The following UNC13C variants were observed in gnomAD, a reference collection of about 807,000 sequenced individuals.
The protein encoded by UNC13C is unc-13 homolog C.
A neutral mutation model predicts 245.4 loss-of-function variants in UNC13C; 174 were observed. That is an observed-to-expected ratio of 0.71 (90% CI 0.63 to 0.80). The LOEUF (loss-of-function observed/expected upper bound fraction) is 0.80, where lower values mean the gene tolerates loss of function less well. Among genes scored for constraint, UNC13C ranks in the 30% least tolerant of loss-of-function variants. The pLI is 0.00. For synonymous variants in UNC13C, 992 were observed against 895.1 expected (o/e 1.11, Z -1.93); for missense variants, 2,829 against 2,602.9 (o/e 1.09, Z -1.89).
the UNC13C span, among the ~76,000 whole-genome samples, chr15:53,843,448 T>A: frequency 1.5e-3 from 231 of 152,074 alleles, no homozygotes; most frequent in Non-Finnish European, 2.4e-3. Context: ...GGCAGCAGAG[T>A]GAAATCTTAT....
At chr15:53,870,457 T>C in the UNC13C span, among the ~76,000 whole-genome samples, 1 of 137,156 alleles carries the variant, frequency 7.3e-6, no homozygotes, top group African/African-American at 2.6e-5. Context: ...GGAGTGGAGA[T>C]ATCCTGGACC....
intron 2 of UNC13C, among the ~76,000 whole-genome samples, chr15:54,076,416 T>C (rs1898628973): frequency 6.6e-6 from 1 of 152,058 alleles, no homozygotes; most frequent in South Asian, 2.1e-4. Flanking sequence ...GTTTCATCCA[T>C]GTCCCTACAA....
intron 20 of UNC13C, 67 bp from the exon 21 acceptor site, chr15:54,500,012 C>A: frequency 8.6e-7 from 1 of 1,166,678 alleles, no homozygotes; most frequent in Non-Finnish European, 1.2e-6. Context: ...GCAAAAAGAG[C>A]AGCATTCCTG....
chr15:54,556,401 C>T (rs1897090733), intron 29 of UNC13C, among the ~76,000 whole-genome samples: 1 of 152,042 alleles, frequency 6.6e-6, no homozygotes, highest in African/African-American at 2.4e-5. Context: ...TTTCACAAAA[C>T]TGTCACCTCG....
At chr15:54,452,033 C>A (rs755398073) in intron 19 of UNC13C, among the ~76,000 whole-genome samples, 1 of 152,200 alleles carries the variant, frequency 6.6e-6, no homozygotes, top group Non-Finnish European at 1.5e-5. Context: ...CCATACACAG[C>A]CAAATCAGTG....
chr15:54,515,693 T>C (rs1013556899), intron 24 of UNC13C, among the ~76,000 whole-genome samples: 2 of 152,198 alleles, frequency 1.3e-5, no homozygotes, highest in African/African-American at 4.8e-5. Context: ...TCCATAGTTA[T>C]CCATAAGCCC....
At chr15:54,243,743 T>G (rs969502743) in intron 7 of UNC13C, among the ~76,000 whole-genome samples, 6 of 152,230 alleles carry the variant, frequency 3.9e-5, no homozygotes, top group African/African-American at 1.4e-4. Context: ...TTGAGCTTCT[T>G]TTCATGTTTT....
the UNC13C span, among the ~76,000 whole-genome samples, chr15:53,840,945 A>G: frequency 6.6e-6 from 1 of 152,146 alleles, no homozygotes; most frequent in African/African-American, 2.4e-5. Flanking sequence ...ATTCCAGTGT[A>G]GTAACTGCAA....
intron 13 of UNC13C, among the ~76,000 whole-genome samples, chr15:54,308,714 C>T (rs2037788154): frequency 6.6e-6 from 1 of 151,596 alleles, no homozygotes; most frequent in Admixed American, 6.6e-5. Flanking sequence ...TCAGTAAGTT[C>T]CTCTTTTTTT....
At chr15:54,457,140 T>G in intron 19 of UNC13C, among the ~76,000 whole-genome samples, 1 of 152,160 alleles carries the variant, frequency 6.6e-6, no homozygotes, top group Non-Finnish European at 1.5e-5. Context: ...GATGATCATA[T>G]GATTATTGTT....
chr15:53,881,845 A>T, the UNC13C span, among the ~76,000 whole-genome samples: 9 of 152,214 alleles, frequency 5.9e-5, no homozygotes, highest in Non-Finnish European at 1.5e-5. Flanking sequence ...TACAAATATT[A>T]TCAAACAGGG....
intron 29 of UNC13C, among the ~76,000 whole-genome samples, chr15:54,564,384 T>C (rs184142003): frequency 1.3e-5 from 2 of 152,156 alleles, no homozygotes; most frequent in Non-Finnish European, 2.9e-5. Flanking sequence ...GTTTTCCTCA[T>C]GTACAAGCAC....
intron 1 of UNC13C, among the ~76,000 whole-genome samples, chr15:53,996,627 A>C (rs1014770956): frequency 6.6e-6 from 1 of 152,174 alleles, no homozygotes; most frequent in African/African-American, 2.4e-5. Flanking sequence ...CCTTCAAGTC[A>C]ATCTCCACTC....
chr15:54,251,382 G>A (rs1408360441), intron 8 of UNC13C, among the ~76,000 whole-genome samples: 1 of 152,152 alleles, frequency 6.6e-6, no homozygotes, highest in Non-Finnish European at 1.5e-5. Flanking sequence ...TTACCTTAGA[G>A]GGTTATTGGA....
At chr15:53,942,886 C>T in the UNC13C span, among the ~76,000 whole-genome samples, 1 of 152,186 alleles carries the variant, frequency 6.6e-6, no homozygotes, top group Admixed American at 6.5e-5. Flanking sequence ...TGGCCTCAAG[C>T]TCCTGGCCTC....
At chr15:54,207,768 A>G (rs2034760822) in intron 4 of UNC13C, among the ~76,000 whole-genome samples, 1 of 152,154 alleles carries the variant, frequency 6.6e-6, no homozygotes, top group Non-Finnish European at 1.5e-5. Flanking sequence ...TCACTACTGT[A>G]GTGATCAAGA....
At chr15:54,534,398 A>G (rs1895897666) in intron 26 of UNC13C, among the ~76,000 whole-genome samples, 1 of 152,202 alleles carries the variant, frequency 6.6e-6, no homozygotes, top group African/African-American at 2.4e-5. Context: ...TCAAAGCCTC[A>G]AAGGCATGAA....
At chr15:54,505,478 A>T (rs1216105515) in intron 22 of UNC13C, among the ~76,000 whole-genome samples, 1 of 152,210 alleles carries the variant, frequency 6.6e-6, no homozygotes. Context: ...ACAAGTTCCC[A>T]GGTGATGCTT....
At chr15:54,177,270 C>T (rs10083724) in intron 4 of UNC13C, among the ~76,000 whole-genome samples, 16,165 of 152,044 alleles carry the variant, frequency 0.11, 1,447 homozygotes, top group African/African-American at 0.24. Context: ...GTAATAGTTA[C>T]CAGAGGTACT....
Sources: allele counts gnomAD v4.1 joint callset (sites outside exome capture counted in the v4.1 genomes callset), GRCh38; gene constraint gnomAD v4.1.1; transcripts MANE v1.5; gene names NCBI Gene and HGNC (gene_info 2026-07-23, HGNC 2026-07-21).